SH3PXD2A: variants seen among roughly 807,000 people sequenced by gnomAD.
SH3PXD2A encodes SH3 and PX domain-containing protein 2A.
Under a neutral mutation model 115.2 loss-of-function variants are expected in SH3PXD2A, and 32 were observed. The ratio of observed to expected loss-of-function variants is 0.28; its 90% confidence interval spans 0.21 to 0.37. The LOEUF is 0.37. Ranked by LOEUF, SH3PXD2A falls within the 10% of genes least tolerant of loss-of-function variation. SH3PXD2A has a pLI of 1.00. For synonymous variants in SH3PXD2A, 610 were observed against 629.1 expected, an observed-to-expected ratio of 0.97 and a Z score of 0.45; for missense variants, 1,328 against 1,498.7, an observed-to-expected ratio of 0.89 and a Z score of 1.88.
At chr10:103,779,769 T>C (rs1005197179) in intron 2 of SH3PXD2A, among the ~76,000 whole-genome samples, 8 of 152,066 alleles carry the variant, frequency 5.3e-5, no homozygotes, top group African/African-American at 1.9e-4. Context: ...TTTGAGGTGT[T>C]TTCTGGCAGG....
rs1564839341 is a variant in SH3PXD2A at position 103,597,725 on chromosome 10, G to A, written c.*4091C>T. ...TGGTATTCCCTCCATTGTCCCCAAT[G>A]AGCCCTGGCATCCATCTTGGTAATA... On this transcript the variant is annotated 3_prime_UTR_variant, in exon 15 of 15. Transcript: ENST00000369774. 2 of 152,678 alleles carry A rather than the reference G, an allele frequency of 1.3e-5. No homozygotes were observed. The highest frequency in any genetic ancestry group is 2.9e-5 in the Non-Finnish European group (2 of 68,052). The allele number at this position is 152,678 out of a possible 1,614,324, so 9.5% of individuals were successfully genotyped here.
At chr10:103,757,070 G>C (rs1319154358) in intron 3 of SH3PXD2A, among the ~76,000 whole-genome samples, 4 of 152,162 alleles carry the variant, frequency 2.6e-5, no homozygotes, top group Admixed American at 6.5e-5. Flanking sequence ...CACCAACCCT[G>C]GGGACACCAG....
chr10:103,769,177 T>TGCGCGCGCGC (rs1168636744), intron 2 of SH3PXD2A, among the ~76,000 whole-genome samples: 1 of 112,532 alleles, frequency 8.9e-6, no homozygotes, highest in African/African-American at 3.3e-5. Flanking sequence ...TGTGTGTGTG[T>TGCGCGCGCGC]GTGTGCGCGC....
chr10:103,791,088 T>A (rs1016948254), intron 2 of SH3PXD2A, among the ~76,000 whole-genome samples: 3 of 152,114 alleles, frequency 2.0e-5, no homozygotes, highest in East Asian at 3.9e-4. Context: ...CACCCAGAAA[T>A]TTAGAGCCAA....
chr10:103,608,154 A>AAAAAAAAAAAAAAGTTTAC (rs2036358867), intron 13 of SH3PXD2A, among the ~76,000 whole-genome samples: 9 of 143,428 alleles, frequency 6.3e-5, no homozygotes, highest in Non-Finnish European at 7.6e-5. Context: ...TCAATTTAAA[A>AAAAAAAAAAAAAAGTTTAC]AAAAAAAAAA....
chr10:103,779,244 T>C (rs1468307809), intron 2 of SH3PXD2A, among the ~76,000 whole-genome samples: 1 of 152,166 alleles, frequency 6.6e-6, no homozygotes. Context: ...AATTTTGGTA[T>C]TTTAGTAGAG....
At chr10:103,712,082 A>C (rs1158883101) in intron 5 of SH3PXD2A, among the ~76,000 whole-genome samples, 2 of 152,000 alleles carry the variant, frequency 1.3e-5, no homozygotes, top group Admixed American at 1.3e-4. Flanking sequence ...AAATAACCCC[A>C]AAACCTCCCT....
At chr10:103,726,094 C>T (rs569953233) in intron 4 of SH3PXD2A, among the ~76,000 whole-genome samples, 3 of 152,260 alleles carry the variant, frequency 2.0e-5, no homozygotes, top group South Asian at 4.1e-4. Flanking sequence ...ACTACCAAAG[C>T]AGAGCTGAGG....
chr10:103,630,547 C>T (rs922399761), intron 8 of SH3PXD2A, among the ~76,000 whole-genome samples: 2 of 151,988 alleles, frequency 1.3e-5, no homozygotes, highest in African/African-American at 4.8e-5. Flanking sequence ...ACCTGAGTCC[C>T]ACAAAACTCA....
At chr10:103,671,492 C>A (rs539628881) in intron 6 of SH3PXD2A, among the ~76,000 whole-genome samples, 1 of 152,268 alleles carries the variant, frequency 6.6e-6, no homozygotes, top group East Asian at 1.9e-4. Context: ...TAAAAAGAAA[C>A]CTCTCTCTAA....
At chr10:103,701,799 ATC>A (rs577554620) in intron 5 of SH3PXD2A, among the ~76,000 whole-genome samples, 117 of 125,350 alleles carry the variant, frequency 9.3e-4, no homozygotes, top group African/African-American at 3.4e-3. Context: ...CCATCCATCT[ATC>A]TTCATCCAGT....
chr10:103,701,319 C>A (rs1564867867), intron 5 of SH3PXD2A, among the ~76,000 whole-genome samples: 1 of 148,934 alleles, frequency 6.7e-6, no homozygotes, highest in African/African-American at 2.5e-5. Context: ...ATCCATCCAT[C>A]ATCCATCCAT....
intron 11 of SH3PXD2A, among the ~76,000 whole-genome samples, chr10:103,615,759 AAAT>A (rs933281527): frequency 2.6e-5 from 4 of 152,030 alleles, no homozygotes; most frequent in Non-Finnish European, 5.9e-5. Flanking sequence ...GAAAACAAAA[AAAT>A]AATAATAAAG....
chr10:103,728,407 G>A (rs375060228), intron 4 of SH3PXD2A, among the ~76,000 whole-genome samples: 29 of 152,366 alleles, frequency 1.9e-4, no homozygotes, highest in African/African-American at 6.7e-4. Context: ...ACACTTGAAA[G>A]AGCACTGGAA....
chr10:103,678,087 G>C (rs1394478165), intron 6 of SH3PXD2A: 3 of 1,280,356 alleles, frequency 2.3e-6, no homozygotes, highest in South Asian at 2.5e-5. Context: ...TTACCCCTAA[G>C]CAGTACAGTC....
In SH3PXD2A at chr10:103,724,317, G is replaced by C. The variant is rs1219419035; in HGVS notation, c.351C>G (p.Val117=). ...LPPHISQCDE[V]FRFFEARPED... ...CGGGTCGAGCCTCGAAGAACCGGAA[G>C]ACTTCGTCACACTGTGAGATGTGGG... Residue 117 remains valine (V), a synonymous_variant, in exon 5 of 15, where the codon GTC becomes GTG. Transcript: ENST00000369774. 13 of 1,584,614 alleles carry C rather than the reference G, an allele frequency of 8.2e-6. No individual in the cohort carries two copies. In the South Asian group the frequency reaches 1.3e-4, roughly 16 times the overall value.
chr10:103,629,470 AGGGTCCAGACCATGC>A (rs1366615032), intron 8 of SH3PXD2A, among the ~76,000 whole-genome samples: 3 of 152,190 alleles, frequency 2.0e-5, no homozygotes, highest in Non-Finnish European at 2.9e-5. Flanking sequence ...GAACTCAGGA[AGGGTCCAGACCATGC>A]TTGGGGCATG....
chr10:103,797,950 A>T lies in SH3PXD2A; in HGVS notation c.153+3332T>A, dbSNP rs185195825. On this transcript the variant is annotated intron_variant, in intron 2 of 14. Coordinates refer to ENST00000369774, the MANE Select transcript of SH3PXD2A (RefSeq NM_001394015.1). ...GAGGGTCCATGTGCTGTTCCGAATG[A>T]AACTGGATCTGTATGGCCCTCAACT... is the stretch of plus-strand genomic sequence containing the variant. 1.8e-4 allele frequency among the ~76,000 whole-genome samples: 27 copies of T among 152,214 alleles called. No homozygotes were observed. The East Asian group carries it at 5.0e-3, about 28-fold the overall frequency.
chr10:103,608,150 TA>T (rs1554903074), intron 13 of SH3PXD2A, among the ~76,000 whole-genome samples: 24 of 32,658 alleles, frequency 7.3e-4, no homozygotes, highest in South Asian at 1.8e-3. Flanking sequence ...ATGATCAATT[TA>T]AAAAAAAAAA....
Sources: allele counts gnomAD v4.1 joint callset (sites outside exome capture counted in the v4.1 genomes callset), GRCh38; gene constraint gnomAD v4.1.1; transcripts MANE v1.5; gene names NCBI Gene and HGNC (gene_info 2026-07-23, HGNC 2026-07-21).